Variants in CFAP47 observed in about 807,000 individuals in gnomAD.
CFAP47 encodes the protein cilia- and flagella-associated protein 47.
In CFAP47, 29 loss-of-function variants were observed where a neutral mutation model predicts 148.1. The observed-to-expected ratio is 0.20, with a 90% CI of 0.15 to 0.27. CFAP47 has a LOEUF of 0.27. Among genes scored for constraint, CFAP47 ranks in the 10% least tolerant of loss-of-function variants. The pLI is 1.00. For missense variants in CFAP47, 1,872 were observed against 1,697.5 expected, an observed-to-expected ratio of 1.10 and a Z score of -1.81; for synonymous variants, 664 against 577.3, an observed-to-expected ratio of 1.15 and a Z score of -2.15.
Position 35,953,665 on chromosome X carries a change from T to C in CFAP47, c.1120T>C (p.Ser374Pro). The C allele has an allele frequency of 8.3e-7, 1 of 1,201,054 alleles. No homozygotes were observed. The highest frequency in any genetic ancestry group is 1.1e-6 in the Non-Finnish European group (1 of 887,052). The change falls in exon 7 of 64, where the codon TCC (serine) becomes CCC (proline). Residue 374 changes from serine (S) to proline (P), a missense_variant. Ser to Pro is a moderately conservative substitution (Grantham distance 74). Transcript: ENST00000378653. ...CTATGCTCTCTTTTTGAGATTTGAG[T>C]CCGTAGGAAGTAAAGATGGATTTTT... ...QDYALFLRFE[S>P]VGSKDGFLRD...
At chrX:36,320,343 C>T (rs939892980) in intron 57 of CFAP47, among the ~76,000 whole-genome samples, 1 of 112,026 alleles carries the variant, frequency 8.9e-6, no homozygotes, top group African/African-American at 3.2e-5. Flanking sequence ...TAAATAACCA[C>T]TACTAACATT....
At chrX:36,123,709 G>A (rs1436855520) in intron 33 of CFAP47, among the ~76,000 whole-genome samples, 1 of 111,147 alleles carries the variant, frequency 9.0e-6, no homozygotes, top group Non-Finnish European at 1.9e-5. Context: ...CCCAGAGCAG[G>A]TTGAGAAATG....
At chrX:36,100,281 G>A (rs1310051201) in intron 32 of CFAP47, among the ~76,000 whole-genome samples, 1 of 112,052 alleles carries the variant, frequency 8.9e-6, no homozygotes, top group African/African-American at 3.2e-5. Flanking sequence ...AGTAGCTACA[G>A]GAATATTCTA....
In CFAP47 at chrX:36,065,815, T is replaced by C. The variant is rs1937633269; in HGVS notation, c.4318+72T>C. 7.0e-6 allele frequency: 4 copies of C among 569,893 alleles called. No homozygotes were observed. In the East Asian group the frequency reaches 1.4e-4, roughly 20 times the overall value. 47.0% of individuals were successfully genotyped at this position (569,893 alleles called of 1,213,427 possible). A position where few individuals can be genotyped will look rare whatever the true frequency, so the allele number is the denominator to read the frequency against. ...TCTTGGCCAACATCTAGAAATAAAG[T>C]GAATTTAAAATTATCAGTTGTTTAT... is the stretch of plus-strand genomic sequence containing the variant. On this transcript the variant is annotated intron_variant, in intron 27 of 63. Transcript: ENST00000378653.
At chrX:36,339,970 A>G (rs1007470520) in intron 57 of CFAP47, among the ~76,000 whole-genome samples, 19 of 111,803 alleles carry the variant, frequency 1.7e-4, no homozygotes, top group Non-Finnish European at 3.4e-4. Context: ...GAGTAATGTG[A>G]CCTTCTGCTT....
chrX:35,941,384 A>T lies in CFAP47; in HGVS notation c.503A>T (p.His168Leu), dbSNP rs1936006756. Residue 168 changes from histidine to leucine, a missense_variant, in exon 3 of 64, where the codon CAT (histidine) becomes CTT (leucine). Transcript: ENST00000378653. ...TCTAAAGAGATTACTATCACTAACC[A>T]TGGCAAAGCTCCAGGTAAATCCTTC... ...VYSKEITITN[H>L]GKAPGIFKAE... 9.3e-7 allele frequency: 1 copy of T among 1,080,934 alleles called. No individual in the cohort carries two copies. The highest frequency in any genetic ancestry group is 1.2e-6 in the Non-Finnish European group (1 of 809,328). 89.1% of individuals were successfully genotyped at this position (1,080,934 alleles called of 1,213,427 possible). A position where few individuals can be genotyped will look rare whatever the true frequency, so the allele number is the denominator to read the frequency against.
intron 57 of CFAP47, among the ~76,000 whole-genome samples, chrX:36,330,735 G>A (rs1376802544): frequency 8.9e-6 from 1 of 111,783 alleles, no homozygotes; most frequent in Non-Finnish European, 1.9e-5. Context: ...AACGTGGCTG[G>A]AGGACAAAGA....
chrX:36,377,982 C>A (rs1215774161), intron 62 of CFAP47, among the ~76,000 whole-genome samples: 1 of 111,782 alleles, frequency 8.9e-6, no homozygotes, highest in African/African-American at 3.2e-5. Flanking sequence ...GTTCTCAAAC[C>A]TTCTGTTATG....
intron 2 of CFAP47, among the ~76,000 whole-genome samples, chrX:35,931,365 A>C (rs1439075719): frequency 4.5e-5 from 5 of 110,942 alleles, no homozygotes; most frequent in Non-Finnish European, 7.5e-5. Context: ...GTAAAATTTG[A>C]ATACTATGTT....
chrX:36,306,956 C>A, intron 55 of CFAP47, 80 bp downstream of exon 55: 1 of 418,234 alleles, frequency 2.4e-6, no homozygotes, highest in Non-Finnish European at 3.7e-6. Flanking sequence ...TCATCATTCA[C>A]TCAATTATCA....
chrX:36,238,222 T>C (rs1940495676), intron 48 of CFAP47, among the ~76,000 whole-genome samples: 1 of 111,322 alleles, frequency 9.0e-6, no homozygotes. Context: ...CATGCTGTTC[T>C]CGTGATAATG....
At chrX:35,927,066 G>A (rs534445587) in intron 2 of CFAP47, among the ~76,000 whole-genome samples, 3 of 107,893 alleles carry the variant, frequency 2.8e-5, no homozygotes, top group African/African-American at 1.0e-4. Context: ...GAGGCAAGAG[G>A]ATCACTTAAA....
chrX:36,004,299 C>T (rs747479923), intron 21 of CFAP47, among the ~76,000 whole-genome samples: 6 of 110,982 alleles, frequency 5.4e-5, no homozygotes, highest in African/African-American at 1.6e-4. Flanking sequence ...AATTTTTATA[C>T]ACCAACGACC....
chrX:36,035,354 G>C (rs1305878036), intron 23 of CFAP47, among the ~76,000 whole-genome samples: 1 of 111,346 alleles, frequency 9.0e-6, no homozygotes, highest in African/African-American at 3.3e-5. Flanking sequence ...TCACACATTT[G>C]TAAGACAGTG....
intron 57 of CFAP47, among the ~76,000 whole-genome samples, chrX:36,332,722 A>T (rs1365715998): frequency 8.9e-6 from 1 of 111,951 alleles, no homozygotes; most frequent in East Asian, 2.8e-4. Context: ...TTGCATATAA[A>T]TGGTGCTGTG....
At chrX:36,125,356 C>T (rs1259529919) in intron 33 of CFAP47, among the ~76,000 whole-genome samples, 6 of 110,802 alleles carry the variant, frequency 5.4e-5, no homozygotes, top group Non-Finnish European at 1.9e-5. Context: ...GCTGCATCGG[C>T]CCTGGAAATT....
chrX:36,010,136 T>C (rs1275460013), intron 21 of CFAP47, among the ~76,000 whole-genome samples: 1 of 111,792 alleles, frequency 8.9e-6, no homozygotes, highest in East Asian at 2.8e-4. Flanking sequence ...GAATTTTTAT[T>C]TTAAATTATC....
intron 48 of CFAP47, among the ~76,000 whole-genome samples, chrX:36,240,156 G>A (rs965248714): frequency 9.0e-6 from 1 of 111,649 alleles, no homozygotes; most frequent in African/African-American, 3.3e-5. Context: ...GATTTCCAAA[G>A]TGGCTATATT....
intron 17 of CFAP47, 81 bp downstream of exon 17, chrX:35,992,024 CT>C: frequency 3.6e-6 from 1 of 280,776 alleles, no homozygotes; most frequent in African/African-American, 2.7e-5. Context: ...TTATTCTTCA[CT>C]TTTGCTAATT....
Sources: allele counts gnomAD v4.1 joint callset (sites outside exome capture counted in the v4.1 genomes callset), GRCh38; gene constraint gnomAD v4.1.1; transcripts MANE v1.5; gene names NCBI Gene and HGNC (gene_info 2026-07-23, HGNC 2026-07-21).